The following ADAMTS14 variants were observed in gnomAD, a reference collection of about 807,000 sequenced individuals.
ADAMTS14 encodes the protein ADAM metallopeptidase with thrombospondin type 1 motif 14, also known as A disintegrin and metalloproteinase with thrombospondin motifs 14.
In ADAMTS14, 100 loss-of-function variants were observed where a neutral mutation model predicts 128.6. The observed-to-expected ratio is 0.78, with a 90% CI of 0.66 to 0.92. The LOEUF is 0.92. Ranked by LOEUF, ADAMTS14 falls within the 40% of genes least tolerant of loss-of-function variation. The pLI is 0.00. For missense variants in ADAMTS14, 1,562 were observed against 1,658.6 expected (o/e 0.94, Z 1.01); for synonymous variants, 665 against 653.8 (o/e 1.02, Z -0.26).
chr10:70,736,739 C>G lies in ADAMTS14; in HGVS notation c.1545C>G (p.Phe515Leu). ...LWCSHPDNPY[F>L]CKTKKGPPLD... ...GCAGCCATCCTGACAACCCGTACTTCTGCAAGACCAAGAAGGGGCCCCCGC... is the reference window on the plus strand; with the variant it reads ...GCAGCCATCCTGACAACCCGTACTTGTGCAAGACCAAGAAGGGGCCCCCGC... The change falls in exon 10 of 22, where the codon TTC becomes TTG. Residue 515 changes from phenylalanine (F) to leucine (L), a missense_variant. Transcript: ENST00000373207. 4 of 1,613,910 alleles carry G rather than the reference C, an allele frequency of 2.5e-6. No homozygotes were observed. Among genetic ancestry groups the G allele is most frequent in the Non-Finnish European group, 3.4e-6 (4 of 1,179,852 alleles).
At chr10:70,725,174 C>T (rs965850613) in intron 4 of ADAMTS14, among the ~76,000 whole-genome samples, 1 of 151,944 alleles carries the variant, frequency 6.6e-6, no homozygotes, top group Non-Finnish European at 1.5e-5. Flanking sequence ...ACAGGGAAGT[C>T]CATAAGAGAC....
intron 2 of ADAMTS14, among the ~76,000 whole-genome samples, chr10:70,687,307 T>C (rs1393578164): frequency 2.0e-3 from 153 of 75,738 alleles, no homozygotes; most frequent in East Asian, 0.01. Context: ...ACCTCCCTCC[T>C]GGACAGGGCG....
chr10:70,727,682 C>G (rs1290796779), intron 4 of ADAMTS14, among the ~76,000 whole-genome samples: 1 of 152,222 alleles, frequency 6.6e-6, no homozygotes, highest in Non-Finnish European at 1.5e-5. Context: ...GGCATCACAT[C>G]CCTGACCATG....
intron 19 of ADAMTS14, among the ~76,000 whole-genome samples, chr10:70,754,592 C>T (rs907776454): frequency 2.6e-5 from 4 of 152,074 alleles, no homozygotes; most frequent in African/African-American, 9.7e-5. Context: ...AATTTTACAA[C>T]GTTCCAGAAG....
chr10:70,760,428 CCCGGCTACCA>C lies in ADAMTS14; in HGVS notation c.3254_3263del (p.Tyr1085SerfsTer122), dbSNP rs1273849633. 5 of 1,612,680 alleles carry C rather than the reference CCCGGCTACCA, an allele frequency of 3.1e-6. No homozygotes were observed. The highest frequency in any genetic ancestry group is 4.2e-6 in the Non-Finnish European group (5 of 1,179,634). On this transcript the variant is annotated frameshift_variant, in exon 22 of 22. Coordinates refer to ENST00000373207, the MANE Select transcript of ADAMTS14 (RefSeq NM_080722.4). The stretch of plus-strand genomic sequence containing the variant: ...AGTGCTCGATCGCTACTGCTCCATT[CCCGGCTACCA>C]CCGGCTCTGCTGTGTGTCCTGCATC...
chr10:70,736,751 G>A lies in ADAMTS14; in HGVS notation c.1557G>A (p.Lys519=). Residue 519 remains lysine (K), a synonymous_variant, in exon 10 of 22, where the codon AAG becomes AAA. Coordinates refer to ENST00000373207, the MANE Select transcript of ADAMTS14 (RefSeq NM_080722.4). Reference sequence around the variant, plus strand: ...ACAACCCGTACTTCTGCAAGACCAAGAAGGGGCCCCCGCTGGATGGGACTG... The same window carrying A: ...ACAACCCGTACTTCTGCAAGACCAAAAAGGGGCCCCCGCTGGATGGGACTG... ...HPDNPYFCKT[K]KGPPLDGTEC... The A allele has an allele frequency of 6.2e-7, 1 of 1,613,838 alleles. No individual in the cohort carries two copies. The highest frequency in any genetic ancestry group is 8.5e-7 in the Non-Finnish European group (1 of 1,179,826).
chr10:70,726,134 G>T (rs947137720), intron 4 of ADAMTS14, among the ~76,000 whole-genome samples: 1 of 152,180 alleles, frequency 6.6e-6, no homozygotes. Context: ...GGCATCAGGG[G>T]GCCTCACCCC....
intron 2 of ADAMTS14, among the ~76,000 whole-genome samples, chr10:70,684,439 A>G (rs895786485): frequency 6.6e-6 from 1 of 152,212 alleles, no homozygotes; most frequent in Non-Finnish European, 1.5e-5. Context: ...GGACTCTTCC[A>G]TTTGAGGGAA....
intron 2 of ADAMTS14, among the ~76,000 whole-genome samples, chr10:70,683,235 G>A (rs1219568706): frequency 6.6e-6 from 1 of 152,222 alleles, no homozygotes; most frequent in Non-Finnish European, 1.5e-5. Context: ...CTCCCTTCGT[G>A]AGCAAGTTTC....
chr10:70,755,416 G>A (rs1371954428), intron 19 of ADAMTS14, among the ~76,000 whole-genome samples: 2 of 152,192 alleles, frequency 1.3e-5, no homozygotes, highest in Admixed American at 6.5e-5. Context: ...GGCTGCTGGA[G>A]GGTGAATGAG....
chr10:70,681,066 G>A (rs1839786887), intron 2 of ADAMTS14, among the ~76,000 whole-genome samples: 1 of 152,206 alleles, frequency 6.6e-6, no homozygotes, highest in Non-Finnish European at 1.5e-5. Context: ...CCAAGTCCTG[G>A]GGATGCAGGG....
chr10:70,729,802 T>C (rs1841575040), intron 5 of ADAMTS14, among the ~76,000 whole-genome samples: 1 of 152,172 alleles, frequency 6.6e-6, no homozygotes, highest in African/African-American at 2.4e-5. Context: ...GAATGCAAAG[T>C]ATAGAGGAAA....
intron 4 of ADAMTS14, 117 bp downstream of exon 4, chr10:70,708,895 G>T (rs1446015416): frequency 2.4e-6 from 2 of 823,138 alleles, no homozygotes; most frequent in African/African-American, 1.7e-5. Context: ...TATTTTTTAG[G>T]TGGATTTGGG....
At chr10:70,709,887 G>A (rs777806235) in intron 4 of ADAMTS14, among the ~76,000 whole-genome samples, 8 of 152,238 alleles carry the variant, frequency 5.3e-5, no homozygotes, top group Non-Finnish European at 1.2e-4. Flanking sequence ...CCCCAAGTGA[G>A]CATCCCTGGG....
At chr10:70,743,780 C>G in intron 13 of ADAMTS14, 99 bp downstream of exon 13, 1 of 1,426,216 alleles carries the variant, frequency 7.0e-7, no homozygotes, top group South Asian at 1.5e-5. Flanking sequence ...GCCTCACCGG[C>G]CCACTCGCAA....
At position 70,674,693 on chromosome 10, in the gene ADAMTS14, C is replaced by T. The variant is rs776686112; in HGVS notation, c.220C>T (p.Pro74Ser). The T allele has an allele frequency of 3.2e-5, 51 of 1,613,588 alleles. 1 individual carries two copies. The South Asian group carries it at 5.6e-4, about 18-fold the overall frequency. ...AGGGAGCATGGTAGTGGACACGCCA[C>T]CCACACTACCACGACACTCCAGTCA... Reference protein sequence around the residue: ...SAGSMVVDTPPTLPRHSSHLR... With the variant: ...SAGSMVVDTPSTLPRHSSHLR... Residue 74 changes from proline (P) to serine (S), a missense_variant, in exon 2 of 22, where the codon CCC (proline) becomes TCC (serine). Pro to Ser is a moderately conservative substitution (Grantham distance 74). Coordinates refer to ENST00000373207, the MANE Select transcript of ADAMTS14 (RefSeq NM_080722.4).
chr10:70,733,408 G>A (rs959271425), intron 7 of ADAMTS14, among the ~76,000 whole-genome samples: 7 of 152,224 alleles, frequency 4.6e-5, no homozygotes, highest in African/African-American at 1.2e-4. Context: ...AGAGGCAGGC[G>A]CTGACAGGGG....
In ADAMTS14 at chr10:70,702,305, GGTT is replaced by G; in HGVS notation, c.523-6_523-4del. ...CTCTTTCCCGCTGCTTGCCGTCCCT[GGTT>G]CAGGCGGGCCTCATCCGCACAGACA... On this transcript the variant is annotated splice_polypyrimidine_tract_variant and splice_region_variant and intron_variant, in intron 2 of 21. Coordinates refer to ENST00000373207, the MANE Select transcript of ADAMTS14 (RefSeq NM_080722.4). 6.2e-7 allele frequency: 1 copy of G among 1,614,158 alleles called. No individual in the cohort carries two copies. Among genetic ancestry groups the G allele is most frequent in the African/African-American group, 1.3e-5 (1 of 75,042 alleles).
intron 10 of ADAMTS14, among the ~76,000 whole-genome samples, chr10:70,738,325 G>A (rs142818384): frequency 2.6e-5 from 4 of 152,302 alleles, no homozygotes; most frequent in East Asian, 1.9e-4. Flanking sequence ...GTAGCCACAC[G>A]TAGCTAGTAT....
Sources: allele counts gnomAD v4.1 joint callset (sites outside exome capture counted in the v4.1 genomes callset), GRCh38; gene constraint gnomAD v4.1.1; transcripts MANE v1.5; gene names NCBI Gene and HGNC (gene_info 2026-07-23, HGNC 2026-07-21).